The following PTPRZ1 variants were observed in gnomAD, a reference collection of about 807,000 sequenced individuals.
The protein encoded by PTPRZ1 is receptor-type tyrosine-protein phosphatase zeta.
In PTPRZ1, 82 loss-of-function variants were observed where a neutral mutation model predicts 214.1. The ratio of observed to expected loss-of-function variants is 0.38; its 90% confidence interval spans 0.32 to 0.46. PTPRZ1 has a LOEUF of 0.46. Among genes scored for constraint, PTPRZ1 ranks in the 20% least tolerant of loss-of-function variants. PTPRZ1 has a pLI of 1.00. For synonymous variants in PTPRZ1, 945 were observed against 987.9 expected (o/e 0.96, Z 0.81); for missense variants, 2,603 against 2,748.7 (o/e 0.95, Z 1.19).
intron 1 of PTPRZ1, among the ~76,000 whole-genome samples, chr7:121,905,302 A>G (rs920025787): frequency 6.6e-6 from 1 of 152,096 alleles, no homozygotes; most frequent in Non-Finnish European, 1.5e-5. Context: ...AACAGATCCT[A>G]CTACTGTCAA....
intron 1 of PTPRZ1, among the ~76,000 whole-genome samples, chr7:121,899,793 G>C (rs571381547): frequency 1.1e-4 from 17 of 152,304 alleles, no homozygotes; most frequent in Non-Finnish European, 1.6e-4. Context: ...CACGTATTCA[G>C]AGTTCCTTTT....
intron 1 of PTPRZ1, chr7:121,908,924 G>T (rs1398672220): frequency 3.9e-6 from 2 of 516,670 alleles, no homozygotes; most frequent in Non-Finnish European, 7.7e-6. Context: ...ATATCTCATG[G>T]GAATTCATTT....
At chr7:121,993,957 A>T (rs1798050719) in intron 8 of PTPRZ1, among the ~76,000 whole-genome samples, 1 of 152,218 alleles carries the variant, frequency 6.6e-6, no homozygotes, top group Non-Finnish European at 1.5e-5. Flanking sequence ...CAGGTATTTA[A>T]AAAGTAAATT....
chr7:121,941,060 G>A (rs1796226629), intron 2 of PTPRZ1, among the ~76,000 whole-genome samples: 1 of 152,124 alleles, frequency 6.6e-6, no homozygotes, highest in Non-Finnish European at 1.5e-5. Context: ...CACTGTCCCT[G>A]TCCCTCTCTC....
Position 122,010,504 on chromosome 7 carries a change from A to G in PTPRZ1, c.1458A>G (p.Gly486=), listed in dbSNP as rs1798615149. 1 of 1,613,942 alleles carries G rather than the reference A, an allele frequency of 6.2e-7. No homozygotes were observed. Among genetic ancestry groups the G allele is most frequent in the South Asian group, 1.1e-5 (1 of 91,076 alleles). Reference sequence around the variant, plus strand: ...AGACTAACCGATCCCCAACAAGAGGAAGTGAATTCTCTGGAAAGGGTGATG... The same window carrying G: ...AGACTAACCGATCCCCAACAAGAGGGAGTGAATTCTCTGGAAAGGGTGATG... ...EAKTNRSPTR[G]SEFSGKGDVP... Residue 486 remains glycine, a synonymous_variant, in exon 12 of 30, where the codon GGA becomes GGG. Transcript: ENST00000393386.
chr7:122,010,319 G>C lies in PTPRZ1; in HGVS notation c.1288-15G>C, dbSNP rs908390990. 2.5e-6 allele frequency: 4 copies of C among 1,582,110 alleles called. No homozygotes were observed. The highest frequency in any genetic ancestry group is 3.4e-6 in the Non-Finnish European group (4 of 1,169,130). ...ATTTCCTTATGACTCATTAAATCTT[G>C]TTTGCTTTTCAAAGGAGGAGGAAGA... is the stretch of plus-strand genomic sequence containing the variant. On this transcript the variant is annotated splice_polypyrimidine_tract_variant and intron_variant, in intron 11 of 29. Coordinates refer to ENST00000393386, the MANE Select transcript of PTPRZ1 (RefSeq NM_002851.3).
At chr7:121,985,034 A>G (rs921760661) in intron 8 of PTPRZ1, among the ~76,000 whole-genome samples, 13 of 152,164 alleles carry the variant, frequency 8.5e-5, no homozygotes, top group Non-Finnish European at 4.4e-5. Flanking sequence ...TTTAATAATC[A>G]TCTGCTTTTG....
rs573478297 is a variant in PTPRZ1, at chr7:121,994,634, C to T, written c.929-1748C>T. 8.5e-5 allele frequency among the ~76,000 whole-genome samples: 13 copies of T among 152,218 alleles called. No individual in the cohort carries two copies. In the Middle Eastern group the frequency reaches 0.01, roughly 119 times the overall value. Reference sequence around the variant, plus strand: ...CAAATGATATTGTCCAGAGTCACTTCCAACTTTTCTAAAAGTGAACTTGGG... The same window carrying T: ...CAAATGATATTGTCCAGAGTCACTTTCAACTTTTCTAAAAGTGAACTTGGG... On this transcript the variant is annotated intron_variant, in intron 8 of 29. Transcript: ENST00000393386.
In PTPRZ1 at chr7:122,034,354, A is replaced by G. The variant is rs772826401; in HGVS notation, c.5260A>G (p.Asn1754Asp). 1.1e-5 allele frequency: 17 copies of G among 1,613,228 alleles called. No homozygotes were observed. Among genetic ancestry groups the G allele is most frequent in the Non-Finnish European group, 1.3e-5 (15 of 1,179,548 alleles). ...CAACCACCCAGACAACAAGCACAAG[A>G]ATCGATACATAAATATCGTTGCCTG... is the stretch of plus-strand genomic sequence containing the variant. ...SSNHPDNKHKNRYINIVAYDH... is the reference protein window; with the variant it reads ...SSNHPDNKHKDRYINIVAYDH... Residue 1754 changes from asparagine to aspartate, a missense_variant, in exon 17 of 30, where the codon AAT becomes GAT. Coordinates refer to ENST00000393386, the MANE Select transcript of PTPRZ1 (RefSeq NM_002851.3).
Position 121,984,075 on chromosome 7 carries a change from G to T in PTPRZ1, c.886G>T (p.Val296Leu), listed in dbSNP as rs754346130. 2 of 1,613,396 alleles carry T rather than the reference G, an allele frequency of 1.2e-6. No individual in the cohort carries two copies. The highest frequency in any genetic ancestry group is 1.3e-5 in the African/African-American group (1 of 74,862). Reference sequence around the variant, plus strand: ...GCAACAGTACAAGTTCTCTAGACAGGTGTTTTCCTCATACACTGGAAAGGA... The same window carrying T: ...GCAACAGTACAAGTTCTCTAGACAGTTGTTTTCCTCATACACTGGAAAGGA... ...REQQYKFSRQ[V>L]FSSYTGKEEI... Residue 296 changes from valine to leucine, a missense_variant, in exon 8 of 30, where the codon GTG becomes TTG. Around this residue, in one of 6 missense-constraint regions of PTPRZ1, gnomAD observed 244 missense variants for 333.2 expected, o/e 0.73. Coordinates refer to ENST00000393386, the MANE Select transcript of PTPRZ1 (RefSeq NM_002851.3).
chr7:122,023,968 T>C (rs1351402177), intron 13 of PTPRZ1, among the ~76,000 whole-genome samples: 1 of 151,312 alleles, frequency 6.6e-6, no homozygotes, highest in Non-Finnish European at 1.5e-5. Flanking sequence ...CATTGATTGA[T>C]AGGACCTATG....
chr7:122,046,999 G>C (rs770285516), intron 23 of PTPRZ1, among the ~76,000 whole-genome samples: 1 of 152,208 alleles, frequency 6.6e-6, no homozygotes, highest in South Asian at 2.1e-4. Flanking sequence ...AAGGAAAGGG[G>C]GGAAAGTGGC....
chr7:122,034,228 G>A, intron 16 of PTPRZ1, 54 bp from the exon 17 acceptor site: 1 of 1,576,238 alleles, frequency 6.3e-7, no homozygotes, highest in South Asian at 1.1e-5. Context: ...ATATTTTAAG[G>A]CACGTTGTTT....
intron 2 of PTPRZ1, among the ~76,000 whole-genome samples, chr7:121,953,596 G>T (rs1038966094): frequency 6.6e-6 from 1 of 152,164 alleles, no homozygotes; most frequent in Non-Finnish European, 1.5e-5. Flanking sequence ...GAATCATCAG[G>T]CTAAATTTTT....
intron 2 of PTPRZ1, among the ~76,000 whole-genome samples, chr7:121,955,235 A>G (rs931285506): frequency 6.6e-6 from 1 of 152,194 alleles, no homozygotes; most frequent in African/African-American, 2.4e-5. Context: ...TGGTAGTGTC[A>G]CTGTCAGAGA....
intron 15 of PTPRZ1, chr7:122,031,845 G>A (rs1584760746): frequency 1.1e-5 from 2 of 176,024 alleles, no homozygotes; most frequent in East Asian, 2.8e-4. Flanking sequence ...TTTAAAATCT[G>A]AATTAATAAC....
At position 121,996,363 on chromosome 7, in the gene PTPRZ1, T is replaced by C; in HGVS notation, c.929-19T>C. ...CAAGGCTAAGTTCTATCAACAACTG[T>C]ACTTTTTTCTCTCTGAAGTTTGTAG... On this transcript the variant is annotated intron_variant, in intron 8 of 29. Transcript: ENST00000393386. The C allele has an allele frequency of 6.4e-7, 1 of 1,566,344 alleles. No individual in the cohort carries two copies.
Position 121,981,501 on chromosome 7 carries a change from G to A in PTPRZ1, c.620-2164G>A, listed in dbSNP as rs73440925. On this transcript the variant is annotated intron_variant, in intron 6 of 29. Coordinates refer to ENST00000393386, the MANE Select transcript of PTPRZ1 (RefSeq NM_002851.3). ...CTGGGCTGGGTAGTTCAGGAGATAG[G>A]AAAACAAATTAGACACAGATCTCAC... Among the ~76,000 whole-genome samples the A allele has an allele frequency of 3.6e-3, 550 of 152,310 alleles. 2 individuals carry two copies. The highest frequency in any genetic ancestry group is 0.013 in the African/African-American group (520 of 41,566).
At position 122,055,007 on chromosome 7, in the gene PTPRZ1, A is replaced by G. The variant is rs200981040; in HGVS notation, c.6448A>G (p.Thr2150Ala). ...EPINCESFKV[T>A]LMAEEHKCLS... The stretch of plus-strand genomic sequence containing the variant: ...TATAAATTGTGAGAGCTTTAAGGTC[A>G]CTCTTATGGCTGAAGAACACAAATG... The change falls in exon 27 of 30, where the codon ACT (threonine) becomes GCT (alanine). Residue 2150 changes from threonine to alanine, a missense_variant. By Grantham distance (58) the Thr-to-Ala change is moderately conservative (BLOSUM62 0). Transcript: ENST00000393386. 2 of 1,607,094 alleles carry G rather than the reference A, an allele frequency of 1.2e-6. No individual in the cohort carries two copies. The highest frequency in any genetic ancestry group is 1.1e-5 in the South Asian group (1 of 90,554).
Sources: allele counts gnomAD v4.1 joint callset (sites outside exome capture counted in the v4.1 genomes callset), GRCh38; gene constraint gnomAD v4.1.1; regional missense constraint gnomAD v4.1.1; transcripts MANE v1.5; gene names NCBI Gene and HGNC (gene_info 2026-07-23, HGNC 2026-07-21).